The following CSMD1 variants were observed in gnomAD, a reference collection of about 807,000 sequenced individuals.
CSMD1 encodes the protein CUB and Sushi multiple domains 1.
In CSMD1, 213 loss-of-function variants were observed where a neutral mutation model predicts 417.5. The ratio of observed to expected loss-of-function variants is 0.51; its 90% CI spans 0.46 to 0.57. The LOEUF is 0.57. Among genes scored for constraint, CSMD1 ranks in the 20% least tolerant of loss-of-function variants. The pLI, the probability that CSMD1 is intolerant of heterozygous loss-of-function variation, is 0.00. For synonymous variants in CSMD1, 2,862 were observed against 1,736.8 expected (o/e 1.65, Z -16.11); for missense variants, 6,923 against 4,529.7 (o/e 1.53, Z -15.17).
chr8:4,144,340 C>A (rs1187810414), intron 3 of CSMD1, among the ~76,000 whole-genome samples: 2 of 151,140 alleles, frequency 1.3e-5, no homozygotes, highest in Admixed American at 1.3e-4. Flanking sequence ...TTCTACTTCT[C>A]TTCTTTCTTC....
At chr8:4,723,787 T>TAAAAAAAAA (rs57096241) in intron 1 of CSMD1, among the ~76,000 whole-genome samples, 44 of 131,428 alleles carry the variant, frequency 3.3e-4, no homozygotes, top group African/African-American at 1.2e-3. Context: ...CTTTCGAATG[T>TAAAAAAAAA]AAAAAAAAAA....
chr8:3,488,297 G>A (rs1365711308), intron 11 of CSMD1, among the ~76,000 whole-genome samples: 9 of 151,756 alleles, frequency 5.9e-5, no homozygotes, highest in African/African-American at 9.7e-5. Flanking sequence ...TTGTAGAGAC[G>A]GAGTTTCATC....
chr8:3,400,566 A>C (rs7001593), intron 15 of CSMD1, among the ~76,000 whole-genome samples: 79,898 of 151,732 alleles, frequency 0.53, 21,282 homozygotes, highest in Middle Eastern at 0.62. Flanking sequence ...AAATTTATGG[A>C]AACTGCATGA....
chr8:4,935,690 AGTTCTT>A (rs574213694), intron 1 of CSMD1, among the ~76,000 whole-genome samples: 63 of 152,342 alleles, frequency 4.1e-4, no homozygotes, highest in African/African-American at 1.4e-3. Context: ...ACATATTTTT[AGTTCTT>A]GTTAGGATTG....
chr8:3,429,036 G>A (rs757734631), intron 12 of CSMD1, among the ~76,000 whole-genome samples: 3 of 152,136 alleles, frequency 2.0e-5, no homozygotes, highest in Admixed American at 6.5e-5. Flanking sequence ...GAGACTGGGG[G>A]AGGCAGGAGG....
chr8:4,035,225 G>C (rs374943642), intron 3 of CSMD1, among the ~76,000 whole-genome samples: 1 of 152,108 alleles, frequency 6.6e-6, no homozygotes, highest in Non-Finnish European at 1.5e-5. Flanking sequence ...CGTGTCTGTG[G>C]TGACGCCGGT....
chr8:2,989,598 C>G (rs1806204008), intron 54 of CSMD1, among the ~76,000 whole-genome samples: 2 of 152,062 alleles, frequency 1.3e-5, no homozygotes, highest in South Asian at 4.1e-4. Flanking sequence ...TAAAATGCAT[C>G]AACGAATTTG....
At chr8:4,440,986 G>C (rs1012147147) in intron 2 of CSMD1, among the ~76,000 whole-genome samples, 3 of 139,578 alleles carry the variant, frequency 2.1e-5, no homozygotes, top group Admixed American at 7.5e-5. Context: ...GACACAGTGA[G>C]ACTCTATCTC....
At chr8:4,451,112 G>C (rs117998767) in intron 2 of CSMD1, among the ~76,000 whole-genome samples, 3 of 152,252 alleles carry the variant, frequency 2.0e-5, no homozygotes, top group East Asian at 1.9e-4. Context: ...GATTACTCCT[G>C]AGTTCAAGAG....
intron 1 of CSMD1, among the ~76,000 whole-genome samples, chr8:4,932,720 G>A (rs1807327200): frequency 6.6e-6 from 1 of 152,180 alleles, no homozygotes; most frequent in Non-Finnish European, 1.5e-5. Flanking sequence ...TGGCACAGAA[G>A]TGATCAGCCT....
chr8:3,500,722 G>C (rs1403598528), intron 10 of CSMD1, among the ~76,000 whole-genome samples: 1 of 152,192 alleles, frequency 6.6e-6, no homozygotes, highest in Non-Finnish European at 1.5e-5. Flanking sequence ...TCTAAGATGA[G>C]ACGTGTGGGC....
At chr8:4,463,454 G>C (rs1799963738) in intron 2 of CSMD1, among the ~76,000 whole-genome samples, 1 of 152,130 alleles carries the variant, frequency 6.6e-6, no homozygotes. Context: ...GTAAAAATTT[G>C]TATGCAAATG....
Position 4,286,394 on chromosome 8 carries a change from G to A in CSMD1, c.415+133559C>T, listed in dbSNP as rs1335551494. Among the ~76,000 whole-genome samples the A allele has an allele frequency of 3.3e-5, 5 of 152,018 alleles. No individual in the cohort carries two copies. The East Asian group carries it at 9.6e-4, about 29-fold the overall frequency. Reference sequence around the variant, plus strand: ...TTCAAAACTACAGTCCTTCACCAAGGGCTTCAGTTAACATGAGACAGAGAA... The same window carrying A: ...TTCAAAACTACAGTCCTTCACCAAGAGCTTCAGTTAACATGAGACAGAGAA... On this transcript the variant is annotated intron_variant, in intron 3 of 69. Transcript: ENST00000635120.
chr8:3,955,592 C>G (rs1042591873), intron 5 of CSMD1, among the ~76,000 whole-genome samples: 1 of 152,078 alleles, frequency 6.6e-6, no homozygotes, highest in African/African-American at 2.4e-5. Context: ...GTGCTACCTG[C>G]CCTGCTCCAT....
intron 1 of CSMD1, among the ~76,000 whole-genome samples, chr8:4,929,312 CATTT>C (rs1311731667): frequency 1.3e-5 from 2 of 152,154 alleles, no homozygotes; most frequent in African/African-American, 4.8e-5. Flanking sequence ...ATGGGCAACA[CATTT>C]CTACTCTTTA....
intron 41 of CSMD1, among the ~76,000 whole-genome samples, chr8:3,130,408 T>C (rs933792626): frequency 1.3e-5 from 2 of 152,118 alleles, no homozygotes; most frequent in African/African-American, 4.8e-5. Flanking sequence ...GGAAGCCTCT[T>C]CACTGCTTCC....
rs993348607 is a variant in CSMD1, at chr8:4,031,823, A to C, written c.610+82T>G. 1.3e-5 allele frequency: 14 copies of C among 1,068,048 alleles called. No individual in the cohort carries two copies. In the African/African-American group the frequency reaches 1.4e-4, roughly 11 times the overall value. The allele number at this position is 1,068,048 out of a possible 1,614,324, so 66.2% of individuals were successfully genotyped here. A position where few individuals can be genotyped will look rare whatever the true frequency, so the allele number is the denominator to read the frequency against. Reference sequence around the variant, plus strand: ...AGCTCAACATGTATTATTTTCATTTAAGTGGAAACTTTCATAAAAGCATCT... The same window carrying C: ...AGCTCAACATGTATTATTTTCATTTCAGTGGAAACTTTCATAAAAGCATCT... On this transcript the variant is annotated intron_variant, in intron 4 of 69. Transcript: ENST00000635120.
chr8:3,688,432 T>C (rs1206419442), intron 7 of CSMD1, among the ~76,000 whole-genome samples: 2 of 152,234 alleles, frequency 1.3e-5, no homozygotes, highest in Non-Finnish European at 2.9e-5. Context: ...TTGAAACTGC[T>C]ACATGATTTG....
intron 5 of CSMD1, among the ~76,000 whole-genome samples, chr8:3,871,108 A>G (rs1316925740): frequency 2.0e-5 from 3 of 152,104 alleles, no homozygotes; most frequent in Non-Finnish European, 2.9e-5. Flanking sequence ...ATTAATAGAC[A>G]TCTAGAATAT....
Sources: allele counts gnomAD v4.1 joint callset (sites outside exome capture counted in the v4.1 genomes callset), GRCh38; gene constraint gnomAD v4.1.1; transcripts MANE v1.5; gene names NCBI Gene and HGNC (gene_info 2026-07-23, HGNC 2026-07-21).